AQP1: variants seen among roughly 807,000 people sequenced by gnomAD.
AQP1 encodes the protein aquaporin 1 (Colton blood group).
Under a neutral mutation model 19.7 loss-of-function variants are expected in AQP1, and 11 were observed. That is an observed-to-expected ratio of 0.56 (90% confidence interval 0.35 to 0.92). The LOEUF (loss-of-function observed/expected upper bound fraction) is 0.92. AQP1 is among the 40% of genes least tolerant of loss of function. AQP1 has a pLI of 0.01. For missense variants in AQP1, 320 were observed against 369.7 expected (o/e 0.87, Z 1.10); for synonymous variants, 159 against 166.7 (o/e 0.95, Z 0.36).
At chr7:30,920,544 C>T (rs1791474057) in intron 1 of AQP1, among the ~76,000 whole-genome samples, 1 of 152,256 alleles carries the variant, frequency 6.6e-6, no homozygotes, top group Admixed American at 6.5e-5. Flanking sequence ...GTCGACAACT[C>T]TTTCCAAAAG....
At position 30,923,336 on chromosome 7, in the gene AQP1, C is replaced by T; in HGVS notation, c.631-114C>T. The T allele has an allele frequency of 1.3e-6, 2 of 1,561,952 alleles. No homozygotes were observed. The highest frequency in any genetic ancestry group is 2.7e-5 in the African/African-American group (2 of 74,148). ...AGGATTTGGCTCTCCTACCTGCCTC[C>T]ATCCCAGGTGGGAAAAACCTGTCCA... On this transcript the variant is annotated intron_variant, in intron 3 of 3. Transcript: ENST00000311813. The surrounding 1 kb of genome is among the most constrained non-coding windows in gnomAD (Gnocchi z 4.8).
At chr7:30,916,177 T>C (rs543409449) in intron 1 of AQP1, among the ~76,000 whole-genome samples, 2 of 152,160 alleles carry the variant, frequency 1.3e-5, no homozygotes, top group Non-Finnish European at 2.9e-5. Flanking sequence ...GAAGGGGCCA[T>C]GCTTTGAGAG....
At chr7:30,921,109 T>C (rs1791486210) in intron 1 of AQP1, among the ~76,000 whole-genome samples, 1 of 152,174 alleles carries the variant, frequency 6.6e-6, no homozygotes, top group African/African-American at 2.4e-5. Flanking sequence ...TGGGCATCTT[T>C]GCAAGTGAGC....
intron 2 of AQP1, 55 bp from the exon 3 acceptor site, chr7:30,922,509 C>G: frequency 6.5e-7 from 1 of 1,530,160 alleles, no homozygotes; most frequent in Non-Finnish European, 9.1e-7. Flanking sequence ...CTCTCACTCT[C>G]TCTTCACCTA....
At chr7:30,919,527 T>C (rs925767165) in intron 1 of AQP1, among the ~76,000 whole-genome samples, 2 of 150,260 alleles carry the variant, frequency 1.3e-5, no homozygotes, top group Non-Finnish European at 2.9e-5. Context: ...CAATTGAGAA[T>C]TGAGAATTGA....
intron 1 of AQP1, 111 bp from the exon 2 acceptor site, chr7:30,921,955 G>T (rs1474668773): frequency 2.5e-6 from 4 of 1,570,408 alleles, no homozygotes; most frequent in Non-Finnish European, 3.5e-6. Flanking sequence ...AGGCCCATCT[G>T]AGGGTCCGCC....
intron 1 of AQP1, among the ~76,000 whole-genome samples, chr7:30,918,001 A>AT (rs1405829768): frequency 3.4e-3 from 485 of 143,888 alleles, no homozygotes; most frequent in African/African-American, 9.6e-3. Context: ...ATAGATTTTT[A>AT]TTTTTTTTTT....
At position 30,912,445 on chromosome 7, in the gene AQP1, G is replaced by A. The variant is rs1791191876; in HGVS notation, c.384+152G>A. The A allele has an allele frequency of 8.2e-7, 1 of 1,219,032 alleles. No homozygotes were observed. The highest frequency in any genetic ancestry group is 1.1e-6 in the Non-Finnish European group (1 of 890,616). 75.5% of individuals were successfully genotyped at this position (1,219,032 alleles called of 1,614,324 possible). On this transcript the variant is annotated intron_variant, in intron 1 of 3. Transcript: ENST00000311813. The surrounding 1 kb of genome is among the most constrained non-coding windows in gnomAD (Gnocchi z 4.3). ...ACGTAGAGAGCTGGGGGGAAGAGCT[G>A]GGGCTGGAACTCAGCTATGCATGCC...
intron 1 of AQP1, among the ~76,000 whole-genome samples, chr7:30,921,055 T>G (rs1369473222): frequency 6.6e-6 from 1 of 152,164 alleles, no homozygotes; most frequent in East Asian, 1.9e-4. Flanking sequence ...AGTGTTTGGG[T>G]GCACCAGCCC....
At chr7:30,921,441 G>C (rs1031109348) in intron 1 of AQP1, 2 of 1,446,100 alleles carry the variant, frequency 1.4e-6, no homozygotes, top group Non-Finnish European at 1.8e-6. Context: ...CAGAAGCAAT[G>C]GGAGACAGGC....
rs769152616 is a variant in AQP1, at chr7:30,923,654, G to T, written c.*25G>T. 2.7e-6 allele frequency: 4 copies of T among 1,465,674 alleles called. No individual in the cohort carries two copies. Among genetic ancestry groups the T allele is most frequent in the South Asian group, 2.3e-5 (2 of 87,336 alleles). The allele number at this position is 1,465,674 out of a possible 1,614,324, so 90.8% of individuals were successfully genotyped here. A position where few individuals can be genotyped will look rare whatever the true frequency, so the allele number is the denominator to read the frequency against. On this transcript the variant is annotated 3_prime_UTR_variant, in exon 4 of 4. Coordinates refer to ENST00000311813, the MANE Select transcript of AQP1 (RefSeq NM_198098.4). The surrounding 1 kb of genome is among the most constrained non-coding windows in gnomAD (Gnocchi z 4.8). ...GAAGGGGTCTGGCCCGGGCATCCACGTAGGGGGCAGGGGCAGGGGCGGGCG... is the reference window on the plus strand; with the variant it reads ...GAAGGGGTCTGGCCCGGGCATCCACTTAGGGGGCAGGGGCAGGGGCGGGCG...
At chr7:30,922,933 C>T (rs1277186386) in intron 3 of AQP1, among the ~76,000 whole-genome samples, 2 of 152,228 alleles carry the variant, frequency 1.3e-5, no homozygotes, top group African/African-American at 2.4e-5. Context: ...CAGCCACTTT[C>T]GGGTTTAGCA....
rs959668287 is a variant in AQP1 at position 30,912,432 on chromosome 7, G to C, written c.384+139G>C. On this transcript the variant is annotated intron_variant, in intron 1 of 3. Coordinates refer to ENST00000311813, the MANE Select transcript of AQP1 (RefSeq NM_198098.4). The surrounding 1 kb of genome is among the most constrained non-coding windows in gnomAD (Gnocchi z 4.3). ...GTTGCTGGAGGTCACGTAGAGAGCT[G>C]GGGGGAAGAGCTGGGGCTGGAACTC... 7.7e-7 allele frequency: 1 copy of C among 1,296,038 alleles called. No homozygotes were observed. Among genetic ancestry groups the C allele is most frequent in the Admixed American group, 2.3e-5 (1 of 42,608 alleles). 80.3% of individuals were successfully genotyped at this position (1,296,038 alleles called of 1,614,324 possible).
intron 1 of AQP1, among the ~76,000 whole-genome samples, chr7:30,915,874 G>A (rs551804315): frequency 6.6e-5 from 10 of 152,314 alleles, no homozygotes; most frequent in Admixed American, 2.6e-4. Context: ...CCAGAGCTCA[G>A]GGGAGGGATG....
Position 30,924,293 on chromosome 7 carries a change from A to C in AQP1, c.*664A>C. ...AGTGCAAACACAGCATGGGTCCAGA[A>C]GACGTGGTCTAGACCAGGGCTGCTC... On this transcript the variant is annotated 3_prime_UTR_variant, in exon 4 of 4. Coordinates refer to ENST00000311813, the MANE Select transcript of AQP1 (RefSeq NM_198098.4). 1 of 269,182 alleles carries C rather than the reference A, an allele frequency of 3.7e-6. No individual in the cohort carries two copies. The highest frequency in any genetic ancestry group is 1.5e-3 in the Middle Eastern group (1 of 680). The allele number at this position is 269,182 out of a possible 1,614,324, so 16.7% of individuals were successfully genotyped here. A position where few individuals can be genotyped will look rare whatever the true frequency, so the allele number is the denominator to read the frequency against.
At chr7:30,921,513 G>A (rs1791498813) in intron 1 of AQP1, 1 of 1,508,192 alleles carries the variant, frequency 6.6e-7, no homozygotes, top group African/African-American at 1.4e-5. Context: ...CAATAGGGAG[G>A]CAGGCACAGA....
At chr7:30,921,567 C>T in intron 1 of AQP1, 1 of 1,546,362 alleles carries the variant, frequency 6.5e-7, no homozygotes, top group South Asian at 1.2e-5. Context: ...CCGAAGGCCT[C>T]CTCAGCCCTG....
intron 1 of AQP1, among the ~76,000 whole-genome samples, chr7:30,919,274 A>G (rs1791435351): frequency 6.6e-6 from 1 of 152,190 alleles, no homozygotes; most frequent in African/African-American, 2.4e-5. Context: ...ATTTCCTACA[A>G]GATGCACAGA....
chr7:30,920,609 A>G (rs1289145096), intron 1 of AQP1, among the ~76,000 whole-genome samples: 1 of 152,242 alleles, frequency 6.6e-6, no homozygotes, highest in Non-Finnish European at 1.5e-5. Context: ...GAGAGCAGGC[A>G]CGGACAATGA....
Sources: gnomAD v4.1 joint callset for allele counts (sites outside exome capture counted in the v4.1 genomes callset) on GRCh38, gnomAD v4.1.1 for gene constraint, Gnocchi (gnomAD v3.1) non-coding constraint, MANE v1.5 for transcripts, NCBI Gene and HGNC (gene_info 2026-07-23, HGNC 2026-07-21) for gene names.